Variants in MYBPC1 observed in about 807,000 individuals in gnomAD.
MYBPC1 encodes the protein myosin-binding protein C, slow-type.
Under a neutral mutation model 147.1 loss-of-function variants are expected in MYBPC1, and 52 were observed. That is an observed-to-expected ratio of 0.35 (90% CI 0.28 to 0.45). MYBPC1 has a LOEUF of 0.45. Among genes scored for constraint, MYBPC1 ranks in the 20% least tolerant of loss-of-function variants. The pLI is 1.00. For missense variants in MYBPC1, 1,228 were observed against 1,440.3 expected, an observed-to-expected ratio of 0.85 and a Z score of 2.39; for synonymous variants, 477 against 475.9, an observed-to-expected ratio of 1.00 and a Z score of -0.03.
At position 101,653,184 on chromosome 12, in the gene MYBPC1, T is replaced by C. The variant is rs886048831; in HGVS notation, c.1703T>C (p.Leu568Pro). The C allele has an allele frequency of 6.8e-6, 11 of 1,614,010 alleles. No homozygotes were observed. Among genetic ancestry groups the C allele is most frequent in the Non-Finnish European group, 9.3e-6 (11 of 1,180,016 alleles). ...NTVTVIAGNK[L>P]RLEIPISGEP... ...GTGACAGTGATTGCAGGAAACAAGC[T>C]TCGTCTTGAGATCCCCATCAGCGGA... The change falls in exon 18 of 32, where the codon CTT (leucine) becomes CCT (proline). Residue 568 changes from leucine to proline, a missense_variant. Leu to Pro is a moderately conservative substitution (Grantham distance 98, BLOSUM62 -3). Coordinates refer to ENST00000361466, the MANE Select transcript of MYBPC1 (RefSeq NM_002465.4).
At chr12:101,656,426 A>G (rs1895550200) in intron 18 of MYBPC1, among the ~76,000 whole-genome samples, 1 of 152,178 alleles carries the variant, frequency 6.6e-6, no homozygotes, top group African/African-American at 2.4e-5. Context: ...GAGCAAAAAC[A>G]TGACCCAAAG....
At chr12:101,602,823 T>C (rs533515925) in intron 1 of MYBPC1, among the ~76,000 whole-genome samples, 16 of 152,278 alleles carry the variant, frequency 1.1e-4, no homozygotes, top group African/African-American at 3.6e-4. Flanking sequence ...TCAGATCAAA[T>C]AAAAGGTCTA....
chr12:101,669,264 G>A (rs1172523230), intron 23 of MYBPC1, among the ~76,000 whole-genome samples: 4 of 152,188 alleles, frequency 2.6e-5, no homozygotes, highest in Admixed American at 2.6e-4. Context: ...GTTGGAGGAT[G>A]AATAGGTGAC....
chr12:101,604,863 G>A (rs1016273999), intron 1 of MYBPC1, among the ~76,000 whole-genome samples: 1 of 152,134 alleles, frequency 6.6e-6, no homozygotes, highest in Admixed American at 6.5e-5. Context: ...CGCCATTCCA[G>A]GTAATTAATC....
chr12:101,678,906 A>G (rs11110957), intron 28 of MYBPC1, among the ~76,000 whole-genome samples: 31,213 of 152,152 alleles, frequency 0.21, 3,763 homozygotes, highest in Middle Eastern at 0.34. Context: ...TCATGCCTGT[A>G]ATCCGAACAC....
In MYBPC1 at chr12:101,649,255, T is replaced by C. The variant is rs777829180; in HGVS notation, c.1197-5T>C. The C allele has an allele frequency of 5.0e-6, 8 of 1,611,336 alleles. No individual in the cohort carries two copies. The African/African-American group carries it at 6.7e-5, about 13-fold the overall frequency. The stretch of plus-strand genomic sequence containing the variant: ...AAACCTTTTTAATATTTTATCTTAA[T>C]TCAGGTTTAAGAATGGTGAAGAGAT... On this transcript the variant is annotated splice_polypyrimidine_tract_variant and splice_region_variant and intron_variant, in intron 14 of 31. Transcript: ENST00000361466.
chr12:101,680,580 A>T (rs768533585), intron 29 of MYBPC1, 51 bp downstream of exon 29: 2 of 1,595,690 alleles, frequency 1.3e-6, no homozygotes, highest in Non-Finnish European at 1.7e-6. Context: ...AAAATCATTG[A>T]ATTATTGTTC....
At chr12:101,611,116 A>T (rs1884119745) in intron 1 of MYBPC1, among the ~76,000 whole-genome samples, 1 of 152,194 alleles carries the variant, frequency 6.6e-6, no homozygotes, top group Non-Finnish European at 1.5e-5. Flanking sequence ...GAGAAGAAAA[A>T]GTTCTGGATC....
intron 1 of MYBPC1, among the ~76,000 whole-genome samples, chr12:101,606,546 C>A (rs1469179065): frequency 1.3e-5 from 2 of 150,968 alleles, no homozygotes; most frequent in Non-Finnish European, 2.9e-5. Context: ...TCAAGCAAGC[C>A]ACCCACCCCA....
intron 16 of MYBPC1, among the ~76,000 whole-genome samples, chr12:101,652,305 T>C (rs2136306990): frequency 6.6e-6 from 1 of 152,308 alleles, no homozygotes; most frequent in East Asian, 1.9e-4. Flanking sequence ...GGGTTTGGGA[T>C]GTAAAGCCAA....
intron 14 of MYBPC1, among the ~76,000 whole-genome samples, chr12:101,648,359 G>C (rs1893671889): frequency 6.6e-6 from 1 of 152,120 alleles, no homozygotes; most frequent in South Asian, 2.1e-4. Context: ...GATCTATGTG[G>C]GTAAGCACGT....
chr12:101,603,430 A>G (rs935999606), intron 1 of MYBPC1, among the ~76,000 whole-genome samples: 2 of 151,940 alleles, frequency 1.3e-5, no homozygotes, highest in African/African-American at 4.8e-5. Flanking sequence ...CTTTCCTGAG[A>G]TGACCACATA....
chr12:101,638,935 A>C (rs1891494077), intron 10 of MYBPC1, among the ~76,000 whole-genome samples: 1 of 152,058 alleles, frequency 6.6e-6, no homozygotes, highest in Admixed American at 6.6e-5. Flanking sequence ...GTGTTTTCCT[A>C]CTAGTGAGTT....
At chr12:101,616,497 T>C (rs942276279) in intron 2 of MYBPC1, among the ~76,000 whole-genome samples, 1 of 152,236 alleles carries the variant, frequency 6.6e-6, no homozygotes, top group Non-Finnish European at 1.5e-5. Context: ...TAACTGAGAT[T>C]TGAATCTCCA....
chr12:101,624,683 A>ATTTTTTTTTTTTTTTTTTT (rs57175970), intron 3 of MYBPC1, among the ~76,000 whole-genome samples: 8 of 99,112 alleles, frequency 8.1e-5, no homozygotes, highest in African/African-American at 2.5e-4. Context: ...CGGCTAATTA[A>ATTTTTTTTTTTTTTTTTTT]TTTTTTTTTT....
intron 1 of MYBPC1, among the ~76,000 whole-genome samples, chr12:101,610,047 T>C (rs1883690605): frequency 6.6e-6 from 1 of 152,172 alleles, no homozygotes; most frequent in Admixed American, 6.5e-5. Context: ...GCGAGAGAGA[T>C]GCATGAGCAG....
At chr12:101,619,799 C>A (rs777223353) in intron 3 of MYBPC1, among the ~76,000 whole-genome samples, 10 of 152,116 alleles carry the variant, frequency 6.6e-5, no homozygotes, top group Non-Finnish European at 1.3e-4. Context: ...TTAATTGCTC[C>A]AAATCTGTCA....
At chr12:101,627,858 T>C (rs781050270) in intron 5 of MYBPC1, 54 bp downstream of exon 5, 76 of 1,548,070 alleles carry the variant, frequency 4.9e-5, no homozygotes, top group Non-Finnish European at 6.1e-5. Context: ...CAATCACTAA[T>C]GAGCTCATTT....
chr12:101,662,477 C>T lies in MYBPC1; in HGVS notation c.2152C>T (p.Arg718Cys), dbSNP rs747861353. ...GATTGAAGGTGTGGCCTATGAGGTC[C>T]GCATCTTTGCAGTCAATGCCATTGG... ...KMIEGVAYEV[R>C]IFAVNAIGIS... is the part of the protein sequence containing the mutation. The change falls in exon 21 of 32, where the codon CGC becomes TGC. Residue 718 changes from arginine to cysteine, a missense_variant. By Grantham distance (180) the Arg-to-Cys change is radical (BLOSUM62 -3). Around this residue, in one of 2 missense-constraint regions of MYBPC1, gnomAD observed 1,077 missense variants for 1,314.2 expected, o/e 0.82. Transcript: ENST00000361466. 1.1e-5 allele frequency: 17 copies of T among 1,614,166 alleles called. No homozygotes were observed. The highest frequency in any genetic ancestry group is 1.3e-5 in the Non-Finnish European group (15 of 1,180,020).
Sources: allele counts gnomAD v4.1 joint callset (sites outside exome capture counted in the v4.1 genomes callset), GRCh38; gene constraint gnomAD v4.1.1; regional missense constraint gnomAD v4.1.1; transcripts MANE v1.5; gene names NCBI Gene and HGNC (gene_info 2026-07-23, HGNC 2026-07-21).